The following RRN3 variants were observed in gnomAD, a reference collection of about 807,000 sequenced individuals.
RRN3 encodes RNA polymerase I transcription factor RRN3.
A neutral mutation model predicts 82.3 loss-of-function variants in RRN3; 38 were observed. The ratio of observed to expected loss-of-function variants is 0.46; its 90% CI spans 0.36 to 0.61. The LOEUF (loss-of-function observed/expected upper bound fraction) is 0.61. Among genes scored for constraint, RRN3 ranks in the 20% least tolerant of loss-of-function variants. The probability of loss-of-function intolerance (pLI) is 0.00; values close to 1 mark genes in which losing one functional copy is unlikely to be tolerated. For synonymous variants in RRN3, 284 were observed against 284.3 expected (o/e 1.00, Z 0.01); for missense variants, 726 against 793.1 (o/e 0.92, Z 1.02).
At chr16:15,068,515 T>C (rs1291837658) in intron 14 of RRN3, among the ~76,000 whole-genome samples, 1 of 152,210 alleles carries the variant, frequency 6.6e-6, no homozygotes, top group African/African-American at 2.4e-5. Context: ...ACTTAGGAAG[T>C]AGCAGGCTGT....
chr16:15,083,532 C>A lies in RRN3; in HGVS notation c.647G>T (p.Arg216Leu). The change falls in exon 8 of 18, where the codon CGA (arginine) becomes CTA (leucine). Residue 216 changes from arginine to leucine, a missense_variant. Physicochemically the swap from Arg to Leu is moderately radical, Grantham distance 102. Around this residue, in one of 4 missense-constraint regions of RRN3, gnomAD observed 344 missense variants for 394.5 expected, o/e 0.87. Coordinates refer to ENST00000198767, the MANE Select transcript of RRN3 (RefSeq NM_018427.5). The part of the protein sequence containing the change: ...PILVEKFPFV[R>L]KSERTLECYV... ...TCTTACCAGTGTTCTCTCTGATTTT[C>A]GAACAAATGGAAATTTTTCCACCAG... 1 of 1,608,430 alleles carries A rather than the reference C, an allele frequency of 6.2e-7. No individual in the cohort carries two copies. Among genetic ancestry groups the A allele is most frequent in the South Asian group, 1.1e-5 (1 of 89,898 alleles).
chr16:15,083,769 T>C (rs2045800141), intron 7 of RRN3, 187 bp from the exon 8 acceptor site: 2 of 649,382 alleles, frequency 3.1e-6, no homozygotes, highest in Non-Finnish European at 5.0e-6. Context: ...CAGGCTGGAG[T>C]GCAGTGGCGC....
chr16:15,080,927 T>A (rs2045674124), intron 8 of RRN3, among the ~76,000 whole-genome samples: 1 of 152,038 alleles, frequency 6.6e-6, no homozygotes. Context: ...AATGGAGTCA[T>A]ACACAGTTTG....
intron 8 of RRN3, among the ~76,000 whole-genome samples, chr16:15,081,928 T>C (rs1331587695): frequency 2.0e-5 from 3 of 152,204 alleles, no homozygotes; most frequent in African/African-American, 4.8e-5. Context: ...CCCTATTCAA[T>C]TGTCTTGAAC....
intron 1 of RRN3, 150 bp downstream of exon 1, chr16:15,093,995 G>A: frequency 1.4e-6 from 1 of 707,046 alleles, no homozygotes; most frequent in South Asian, 1.6e-5. Context: ...TAGGAGGAAT[G>A]AGCTCATTTC....
At chr16:15,083,719 CTTTT>C (rs1198136425) in intron 7 of RRN3, 137 bp from the exon 8 acceptor site, 8 of 1,310,256 alleles carry the variant, frequency 6.1e-6, no homozygotes, top group Non-Finnish European at 8.3e-6. Flanking sequence ...AGAACTGGAA[CTTTT>C]TTTGTTTTTT....
chr16:15,074,371 T>C (rs1163442623), intron 11 of RRN3, among the ~76,000 whole-genome samples: 1 of 152,208 alleles, frequency 6.6e-6, no homozygotes, highest in Admixed American at 6.5e-5. Context: ...AAAGACCCTC[T>C]AAACTCAATA....
At chr16:15,086,890 G>C (rs577658419) in intron 3 of RRN3, among the ~76,000 whole-genome samples, 2 of 152,206 alleles carry the variant, frequency 1.3e-5, no homozygotes, top group Admixed American at 1.3e-4. Flanking sequence ...GATCAATTGG[G>C]GTCATGAATA....
intron 1 of RRN3, among the ~76,000 whole-genome samples, chr16:15,093,212 C>G (rs981373156): frequency 1.3e-5 from 2 of 152,162 alleles, no homozygotes; most frequent in African/African-American, 4.8e-5. Flanking sequence ...GCACGTTGGC[C>G]AGGCTGGTCT....
Position 15,073,062 on chromosome 16 carries a change from T to C in RRN3, c.1016A>G (p.Lys339Arg). 1.2e-6 allele frequency: 2 copies of C among 1,611,776 alleles called. No individual in the cohort carries two copies. The highest frequency in any genetic ancestry group is 2.2e-5 in the South Asian group (2 of 90,120). ...CYVDGKVDNG[K>R]TKDLYRDLIN... ...CAGGTCGCGATATAGATCCTTTGTT[T>C]TGCCGTTATCAACCTTACCTATGGA... Residue 339 changes from lysine to arginine, a missense_variant, in exon 12 of 18, where the codon AAA (lysine) becomes AGA (arginine). Transcript: ENST00000198767.
At chr16:15,075,990 A>ATC (rs1228230032) in intron 10 of RRN3, among the ~76,000 whole-genome samples, 2 of 152,144 alleles carry the variant, frequency 1.3e-5, no homozygotes, top group African/African-American at 4.8e-5. Flanking sequence ...AGAAAAGGAC[A>ATC]TCTCCTTGGT....
chr16:15,064,669 C>G (rs1240627885), intron 16 of RRN3, among the ~76,000 whole-genome samples: 2 of 152,212 alleles, frequency 1.3e-5, no homozygotes, highest in South Asian at 2.1e-4. Flanking sequence ...CCCTTGATGT[C>G]AGTCTGGCTC....
intron 12 of RRN3, 71 bp downstream of exon 12, chr16:15,072,879 C>A: frequency 6.6e-7 from 1 of 1,523,430 alleles, no homozygotes; most frequent in Admixed American, 1.8e-5. Context: ...TCCGTCCACC[C>A]CAGTTTTTAG....
chr16:15,082,753 C>T (rs547136135), intron 8 of RRN3, among the ~76,000 whole-genome samples: 1 of 151,934 alleles, frequency 6.6e-6, no homozygotes, highest in South Asian at 2.1e-4. Context: ...TTTTTGTATG[C>T]TACTAGATTC....
intron 16 of RRN3, among the ~76,000 whole-genome samples, chr16:15,064,949 G>A (rs569529884): frequency 4.3e-4 from 66 of 152,242 alleles, no homozygotes; most frequent in Non-Finnish European, 7.5e-4. Flanking sequence ...GGCGGATCAC[G>A]AGGTCAGGAG....
chr16:15,078,585 C>G (rs2045560906), intron 9 of RRN3, among the ~76,000 whole-genome samples: 1 of 152,182 alleles, frequency 6.6e-6, no homozygotes. Flanking sequence ...GACCAAACTC[C>G]TCCTTCCGGC....
chr16:15,078,168 T>C (rs2045546188), intron 9 of RRN3, among the ~76,000 whole-genome samples: 1 of 152,204 alleles, frequency 6.6e-6, no homozygotes, highest in South Asian at 2.1e-4. Context: ...AGAGTACATA[T>C]ACAGTTGGCC....
chr16:15,089,436 A>G (rs2046031453), intron 3 of RRN3, among the ~76,000 whole-genome samples: 2 of 152,178 alleles, frequency 1.3e-5, no homozygotes, highest in South Asian at 4.1e-4. Context: ...CAGAGTGAGA[A>G]AAGAGTCAAG....
At chr16:15,069,968 G>A in intron 14 of RRN3, 102 bp downstream of exon 14, 1 of 1,449,872 alleles carries the variant, frequency 6.9e-7, no homozygotes, top group Non-Finnish European at 9.5e-7. Context: ...GCAGTTTTCT[G>A]AATCCAGTTT....
Sources: allele counts gnomAD v4.1 joint callset (sites outside exome capture counted in the v4.1 genomes callset), GRCh38; gene constraint gnomAD v4.1.1; regional missense constraint gnomAD v4.1.1; transcripts MANE v1.5; gene names NCBI Gene and HGNC (gene_info 2026-07-23, HGNC 2026-07-21).